The following FAT4 variants were observed in gnomAD, a reference collection of about 807,000 sequenced individuals.
FAT4 encodes the protein FAT atypical cadherin 4.
FAT4 carries 84 observed loss-of-function variants against 303.9 expected under a neutral mutation model. That is an observed-to-expected ratio of 0.28 (90% confidence interval 0.23 to 0.33). The LOEUF is 0.33. Ranked by LOEUF, FAT4 falls within the 10% of genes least tolerant of loss-of-function variation. The pLI is 1.00. For missense variants in FAT4, 6,005 were observed against 6,146.8 expected (o/e 0.98, Z 0.77); for synonymous variants, 2,307 against 2,298.8 (o/e 1.00, Z -0.10).
Position 125,476,253 on chromosome 4 carries a change from A to T in FAT4, c.12296A>T (p.Asp4099Val). ...CTVSNVAVSD[D>V]WTLDVQPNRV... is the part of the protein sequence containing the mutation. Reference sequence around the variant, plus strand: ...GTCAGTAATGTGGCAGTTTCAGATGACTGGTAAGGAATAGGATTAGTTTAA... The same window carrying T: ...GTCAGTAATGTGGCAGTTTCAGATGTCTGGTAAGGAATAGGATTAGTTTAA... The change falls in exon 13 of 18, where the codon GAC (aspartate) becomes GTC (valine). Residue 4099 changes from aspartate (D) to valine (V), a missense_variant. By Grantham distance (152) the Asp-to-Val change is radical. Transcript: ENST00000394329. The T allele has an allele frequency of 6.4e-7, 1 of 1,570,190 alleles. No individual in the cohort carries two copies. Among genetic ancestry groups the T allele is most frequent in the Non-Finnish European group, 8.7e-7 (1 of 1,147,570 alleles).
In FAT4 at chr4:125,402,794, C is replaced by T. The variant is rs139813135; in HGVS notation, c.5307+3879C>T. Among the ~76,000 whole-genome samples, 363 of 152,026 alleles carry T rather than the reference C, an allele frequency of 2.4e-3. 4 individuals carry two copies. Among genetic ancestry groups the T allele is most frequent in the Admixed American group, 8.1e-3 (123 of 15,228 alleles). On this transcript the variant is annotated intron_variant, in intron 3 of 17. Coordinates refer to ENST00000394329, the MANE Select transcript of FAT4 (RefSeq NM_001291303.3). ...TATACACTCCAAACTTACCTTCTTC[C>T]TAATATTCTCATTGAGAGCTCTGTG...
At position 125,452,491 on chromosome 4, in the gene FAT4, C is replaced by T. The variant is rs769466698; in HGVS notation, c.11481C>T (p.Ser3827=). 14 of 1,613,768 alleles carry T rather than the reference C, an allele frequency of 8.7e-6. No individual in the cohort carries two copies. The highest frequency in any genetic ancestry group is 2.2e-5 in the South Asian group (2 of 91,082). Residue 3827 remains serine, a synonymous_variant, in exon 10 of 18, where the codon TCC becomes TCT. Transcript: ENST00000394329. ...GSCLRRLAVS[S]VLKSRESLPV... is the part of the protein sequence containing the mutation. ...GTCTACGAAGATTGGCTGTGAGCTC[C>T]GTATTAAAAAGCCGTGAGAGTCTTC...
intron 2 of FAT4, among the ~76,000 whole-genome samples, chr4:125,395,090 G>A (rs530465456): frequency 7.2e-5 from 11 of 151,998 alleles, no homozygotes; most frequent in Non-Finnish European, 1.5e-4. Context: ...CTAAGGATCT[G>A]GATAAGTGAA....
At chr4:125,354,150 A>G (rs1010074123) in intron 2 of FAT4, among the ~76,000 whole-genome samples, 1 of 151,754 alleles carries the variant, frequency 6.6e-6, no homozygotes, top group Non-Finnish European at 1.5e-5. Context: ...GTAAACTGCT[A>G]TTACTAAGAT....
Position 125,491,021 on chromosome 4 carries a change from G to A in FAT4, c.14205G>A (p.Met4735Ile), listed in dbSNP as rs566319855. 4 of 1,614,200 alleles carry A rather than the reference G, an allele frequency of 2.5e-6. No individual in the cohort carries two copies. The East Asian group carries it at 6.7e-5, about 27-fold the overall frequency. Residue 4735 changes from methionine (M) to isoleucine (I), a missense_variant, in exon 18 of 18, where the codon ATG (methionine) becomes ATA (isoleucine). Coordinates refer to ENST00000394329, the MANE Select transcript of FAT4 (RefSeq NM_001291303.3). ...TAAGGGATGGTAATACTTTGGAAAT[G>A]CATGGTGACACCTGCCAACCTGGCA... is the stretch of plus-strand genomic sequence containing the variant. ...LPIRDGNTLE[M>I]HGDTCQPGIF...
intron 14 of FAT4, among the ~76,000 whole-genome samples, chr4:125,478,925 C>T (rs1727127121): frequency 6.6e-6 from 1 of 152,100 alleles, no homozygotes; most frequent in Non-Finnish European, 1.5e-5. Context: ...AGCCAAAATC[C>T]TGACCCTGAA....
At chr4:125,469,624 A>G (rs962767624) in intron 12 of FAT4, among the ~76,000 whole-genome samples, 1 of 152,172 alleles carries the variant, frequency 6.6e-6, no homozygotes, top group Admixed American at 6.5e-5. Context: ...TCCTTTGTTT[A>G]TCCCTAAGAA....
At chr4:125,350,575 G>A (rs565551283) in intron 2 of FAT4, among the ~76,000 whole-genome samples, 14 of 151,660 alleles carry the variant, frequency 9.2e-5, no homozygotes, top group Non-Finnish European at 2.1e-4. Context: ...GGTAGATTTT[G>A]CTTTTGTTTA....
intron 2 of FAT4, among the ~76,000 whole-genome samples, chr4:125,354,775 A>G (rs1732364966): frequency 6.7e-6 from 1 of 149,958 alleles, no homozygotes; most frequent in South Asian, 2.1e-4. Flanking sequence ...AAAACTGGTT[A>G]GAACAGTTGG....
At chr4:125,372,758 A>T (rs149971041) in intron 2 of FAT4, among the ~76,000 whole-genome samples, 102 of 152,310 alleles carry the variant, frequency 6.7e-4, no homozygotes, top group African/African-American at 2.4e-3. Flanking sequence ...GTGTTTTGAT[A>T]TATGCTTCTA....
intron 3 of FAT4, among the ~76,000 whole-genome samples, chr4:125,406,620 T>G (rs933134339): frequency 6.6e-6 from 1 of 152,202 alleles, no homozygotes; most frequent in Non-Finnish European, 1.5e-5. Context: ...AGTCTTCCAA[T>G]GCATGAACTT....
rs755298752 is a variant in FAT4, at chr4:125,318,745, A to G, written c.2334A>G (p.Ile778Met). Residue 778 changes from isoleucine (I) to methionine (M), a missense_variant, in exon 2 of 18, where the codon ATA (isoleucine) becomes ATG (methionine). By Grantham distance (10) the Ile-to-Met change is conservative. Coordinates refer to ENST00000394329, the MANE Select transcript of FAT4 (RefSeq NM_001291303.3). ...GGNLQSPNQA[I>M]VTITVLDTQD... ...ATTTACAATCTCCCAACCAGGCAAT[A>G]GTAACCATCACTGTATTGGACACTC... 1 of 1,614,076 alleles carries G rather than the reference A, an allele frequency of 6.2e-7. No homozygotes were observed. The highest frequency in any genetic ancestry group is 2.2e-5 in the East Asian group (1 of 44,874).
rs183191959 is a variant in FAT4 at position 125,317,240 on chromosome 4, G to A, written c.829G>A (p.Ala277Thr). 4.9e-4 allele frequency: 776 copies of A among 1,578,150 alleles called. 1 individual carries two copies. The highest frequency in any genetic ancestry group is 6.2e-4 in the Non-Finnish European group (723 of 1,159,646). Reference protein sequence around the residue: ...SSVLQVAAADADEGTNADIRY... With the variant: ...SSVLQVAAADTDEGTNADIRY... ...CGTCCTCCAGGTGGCGGCGGCGGAC[G>A]CGGACGAGGGCACCAACGCGGACAT... is the stretch of plus-strand genomic sequence containing the variant. Residue 277 changes from alanine (A) to threonine (T), a missense_variant, in exon 2 of 18, where the codon GCG becomes ACG. Physicochemically the swap from Ala to Thr is moderately conservative, Grantham distance 58. Coordinates refer to ENST00000394329, the MANE Select transcript of FAT4 (RefSeq NM_001291303.3). This position sits in a 1 kb window ranked among gnomAD's most constrained non-coding sequence, Gnocchi z 7.0.
intron 2 of FAT4, among the ~76,000 whole-genome samples, chr4:125,368,492 T>C (rs552515302): frequency 6.9e-6 from 1 of 144,746 alleles, no homozygotes; most frequent in East Asian, 2.0e-4. Flanking sequence ...TTAGGATATA[T>C]ATATATATGT....
chr4:125,359,350 A>G (rs1213114146), intron 2 of FAT4, among the ~76,000 whole-genome samples: 3 of 152,150 alleles, frequency 2.0e-5, no homozygotes, highest in Non-Finnish European at 2.9e-5. Flanking sequence ...CTAATAATTG[A>G]GTTATTTGTA....
rs570596263 is a variant in FAT4 at position 125,468,114 on chromosome 4, G to T, written c.11906-398G>T. Among the ~76,000 whole-genome samples, 3 of 151,890 alleles carry T rather than the reference G, an allele frequency of 2.0e-5. No homozygotes were observed. The East Asian group carries it at 5.8e-4, about 30-fold the overall frequency. On this transcript the variant is annotated intron_variant, in intron 11 of 17. Transcript: ENST00000394329. ...AGTAGGCAGAGGTTGCAGTGAGCAG[G>T]CACTCTAGTCTAGGCAACAAGAGCA...
intron 10 of FAT4, among the ~76,000 whole-genome samples, chr4:125,456,635 A>G (rs1726290695): frequency 6.6e-6 from 1 of 152,272 alleles, no homozygotes; most frequent in East Asian, 1.9e-4. Flanking sequence ...GTATTGCTTA[A>G]ATTTCTATAG....
In FAT4 at chr4:125,449,144, G is replaced by A. The variant is rs1212001290; in HGVS notation, c.8134G>A (p.Gly2712Ser). 3.7e-6 allele frequency: 6 copies of A among 1,613,810 alleles called. No homozygotes were observed. In the African/African-American group the frequency reaches 8.0e-5, roughly 22 times the overall value. Residue 2712 changes from glycine to serine, a missense_variant, in exon 10 of 18, where the codon GGC (glycine) becomes AGC (serine). By Grantham distance (56) the Gly-to-Ser change is moderately conservative (BLOSUM62 0). Transcript: ENST00000394329. ...ACAGTTAGATTATGAAATTGTTAAT[G>A]GCAACATGGAAAATAGTTTCAGTAT... The part of the protein sequence containing the change: ...NGQLDYEIVN[G>S]NMENSFSINH...
At chr4:125,441,723 T>A (rs960820882) in intron 8 of FAT4, among the ~76,000 whole-genome samples, 2 of 152,184 alleles carry the variant, frequency 1.3e-5, no homozygotes, top group Non-Finnish European at 2.9e-5. Context: ...AGTTTGCCTA[T>A]GGTATAACCC....
Sources: allele counts gnomAD v4.1 joint callset (sites outside exome capture counted in the v4.1 genomes callset), GRCh38; gene constraint gnomAD v4.1.1; non-coding constraint Gnocchi (gnomAD v3.1); transcripts MANE v1.5; gene names NCBI Gene and HGNC (gene_info 2026-07-23, HGNC 2026-07-21).